OPCML: variants seen among roughly 807,000 people sequenced by gnomAD.
The protein encoded by OPCML is opioid-binding protein/cell adhesion molecule.
Under a neutral mutation model 37.8 loss-of-function variants are expected in OPCML, and 13 were observed. The ratio of observed to expected loss-of-function variants is 0.34; its 90% CI spans 0.22 to 0.55. The LOEUF is 0.55. Ranked by LOEUF, OPCML falls within the 20% of genes least tolerant of loss-of-function variation. The pLI, the probability that OPCML is intolerant of heterozygous loss-of-function variation, is 0.91. For synonymous variants in OPCML, 176 were observed against 168.8 expected (o/e 1.04, Z -0.33); for missense variants, 341 against 435.6 (o/e 0.78, Z 1.93).
chr11:132,587,472 G>C (rs985350053), intron 3 of OPCML, among the ~76,000 whole-genome samples: 1 of 152,150 alleles, frequency 6.6e-6, no homozygotes, highest in Admixed American at 6.5e-5. Flanking sequence ...CAATCAGTTA[G>C]CACATTTACA....
chr11:133,419,197 T>G lies in OPCML; in HGVS notation c.61+113067A>C, dbSNP rs574188038. ...AGTCTCAGTAAGTTGGCTTTTTCTG[T>G]GCAACGGGCCAGGAGACCCTGTGAG... On this transcript the variant is annotated intron_variant, in intron 1 of 7. Coordinates refer to ENST00000524381, the MANE Select transcript of OPCML (RefSeq NM_001012393.5). 5 of 978,168 alleles carry G rather than the reference T, an allele frequency of 5.1e-6. No homozygotes were observed. In the South Asian group the frequency reaches 2.4e-4, roughly 46 times the overall value. The allele number at this position is 978,168 out of a possible 1,614,324, so 60.6% of individuals were successfully genotyped here.
chr11:132,851,473 G>A (rs183099606), intron 2 of OPCML, among the ~76,000 whole-genome samples: 24 of 152,212 alleles, frequency 1.6e-4, no homozygotes, highest in African/African-American at 5.8e-4. Context: ...GCTTCCCCTA[G>A]GTTCCTCCCA....
At chr11:132,698,027 T>C (rs1469168463) in intron 2 of OPCML, among the ~76,000 whole-genome samples, 3 of 131,828 alleles carry the variant, frequency 2.3e-5, no homozygotes, top group Admixed American at 7.7e-5. Flanking sequence ...TATTTATTTA[T>C]TGTAGAGATG....
At chr11:133,140,835 A>AGAAGAAGACGACGACGACGAC (rs1949781085) in intron 1 of OPCML, among the ~76,000 whole-genome samples, 1 of 49,486 alleles carries the variant, frequency 2.0e-5, no homozygotes, top group Non-Finnish European at 4.7e-5. Context: ...ACGACGACGA[A>AGAAGAAGACGACGACGACGAC]GAAGACGACG....
At chr11:133,334,741 G>T (rs1247939834) in intron 1 of OPCML, among the ~76,000 whole-genome samples, 4 of 152,194 alleles carry the variant, frequency 2.6e-5, no homozygotes, top group Non-Finnish European at 5.9e-5. Context: ...CTCCCATAGA[G>T]TGTACCAGTG....
chr11:133,165,883 C>G (rs1288957463), intron 1 of OPCML, among the ~76,000 whole-genome samples: 1 of 152,188 alleles, frequency 6.6e-6, no homozygotes, highest in East Asian at 1.9e-4. Flanking sequence ...ACCTAGGACA[C>G]CACAACCGCA....
chr11:132,719,058 G>A (rs12281281), intron 2 of OPCML, among the ~76,000 whole-genome samples: 35,951 of 152,084 alleles, frequency 0.24, 4,413 homozygotes, highest in Non-Finnish European at 0.28. Context: ...AAAATACGAT[G>A]CCACAGAAGG....
chr11:132,679,550 A>C (rs954625178), intron 2 of OPCML, among the ~76,000 whole-genome samples: 1 of 152,232 alleles, frequency 6.6e-6, no homozygotes, highest in African/African-American at 2.4e-5. Context: ...AAATCTAAAA[A>C]GACAGAAAAT....
chr11:132,585,130 A>G (rs2096469814), intron 3 of OPCML, among the ~76,000 whole-genome samples: 1 of 144,682 alleles, frequency 6.9e-6, no homozygotes, highest in Non-Finnish European at 1.5e-5. Flanking sequence ...TAAATTAACA[A>G]TTCTCCACTT....
At chr11:132,754,870 T>C (rs969670802) in intron 2 of OPCML, among the ~76,000 whole-genome samples, 1 of 152,098 alleles carries the variant, frequency 6.6e-6, no homozygotes, top group Admixed American at 6.6e-5. Flanking sequence ...CAGTTCAGAA[T>C]AAGGAAGTTC....
At chr11:132,587,299 G>A (rs776817606) in intron 3 of OPCML, among the ~76,000 whole-genome samples, 1 of 152,186 alleles carries the variant, frequency 6.6e-6, no homozygotes, top group Non-Finnish European at 1.5e-5. Context: ...GGTGGTTTAG[G>A]AAGAGACAAA....
chr11:132,510,216 C>T (rs544502912), intron 4 of OPCML, among the ~76,000 whole-genome samples: 2 of 152,134 alleles, frequency 1.3e-5, no homozygotes, highest in African/African-American at 4.8e-5. Flanking sequence ...ACTATATTTA[C>T]CCAGTATCTG....
At chr11:133,242,522 G>T (rs2136413970) in intron 1 of OPCML, among the ~76,000 whole-genome samples, 1 of 152,316 alleles carries the variant, frequency 6.6e-6, no homozygotes, top group South Asian at 2.1e-4. Flanking sequence ...CATGGAGAAT[G>T]CTATGTCCTC....
At chr11:133,169,204 A>C (rs886277858) in intron 1 of OPCML, among the ~76,000 whole-genome samples, 5 of 152,220 alleles carry the variant, frequency 3.3e-5, no homozygotes, top group Non-Finnish European at 5.9e-5. Flanking sequence ...AAACTGGGGC[A>C]CAGAGAGATC....
chr11:132,756,354 C>A (rs1946043435), intron 2 of OPCML, among the ~76,000 whole-genome samples: 1 of 152,124 alleles, frequency 6.6e-6, no homozygotes, highest in Non-Finnish European at 1.5e-5. Flanking sequence ...GATGGTATTT[C>A]TGAATGCTAA....
chr11:133,308,277 C>T (rs2136585333), intron 1 of OPCML, among the ~76,000 whole-genome samples: 1 of 152,006 alleles, frequency 6.6e-6, no homozygotes, highest in African/African-American at 2.4e-5. Context: ...GGAAGGAAAA[C>T]AAAAAGAACT....
intron 2 of OPCML, among the ~76,000 whole-genome samples, chr11:132,862,859 A>G (rs1484933143): frequency 6.6e-6 from 1 of 152,210 alleles, no homozygotes; most frequent in Non-Finnish European, 1.5e-5. Context: ...GTGAGACCTA[A>G]AGTTTCCAGG....
At chr11:132,486,135 G>A (rs577636140) in intron 4 of OPCML, among the ~76,000 whole-genome samples, 1 of 152,122 alleles carries the variant, frequency 6.6e-6, no homozygotes, top group Non-Finnish European at 1.5e-5. Context: ...TAAAAGCTTG[G>A]TCCTCAAATC....
At chr11:132,600,893 G>A (rs994993568) in intron 3 of OPCML, among the ~76,000 whole-genome samples, 2 of 131,780 alleles carry the variant, frequency 1.5e-5, no homozygotes, top group Non-Finnish European at 3.1e-5. Flanking sequence ...TATTGCTTAG[G>A]CTGGACTTGA....
Sources: gnomAD v4.1 joint callset for allele counts (sites outside exome capture counted in the v4.1 genomes callset) on GRCh38, gnomAD v4.1.1 for gene constraint, MANE v1.5 for transcripts, NCBI Gene and HGNC (gene_info 2026-07-23, HGNC 2026-07-21) for gene names.